Variants in STXBP5L observed in about 807,000 individuals in gnomAD.
STXBP5L encodes syntaxin-binding protein 5-like.
A neutral mutation model predicts 144.5 loss-of-function variants in STXBP5L; 65 were observed. That is an observed-to-expected ratio of 0.45 (90% CI 0.37 to 0.55). The LOEUF is 0.55. STXBP5L is among the 20% of genes least tolerant of loss of function. The probability of loss-of-function intolerance (pLI) is 0.00; values close to 1 mark genes in which losing one functional copy is unlikely to be tolerated. For synonymous variants in STXBP5L, 505 were observed against 469.6 expected, an observed-to-expected ratio of 1.08 and a Z score of -0.97; for missense variants, 1,298 against 1,405.5, an observed-to-expected ratio of 0.92 and a Z score of 1.22.
At chr3:121,087,316 C>A (rs1176298604) in intron 5 of STXBP5L, among the ~76,000 whole-genome samples, 3 of 151,916 alleles carry the variant, frequency 2.0e-5, no homozygotes, top group African/African-American at 7.2e-5. Context: ...TTTCTTTTTC[C>A]TCCTTTCAGT....
chr3:121,036,933 A>G (rs934523956), intron 3 of STXBP5L, among the ~76,000 whole-genome samples: 4 of 151,752 alleles, frequency 2.6e-5, no homozygotes, highest in African/African-American at 7.2e-5. Flanking sequence ...TTTTAAAAAT[A>G]TATATTTTTT....
At chr3:121,191,381 A>T (rs1559846618) in intron 9 of STXBP5L, among the ~76,000 whole-genome samples, 2 of 152,202 alleles carry the variant, frequency 1.3e-5, no homozygotes, top group African/African-American at 4.8e-5. Context: ...CCACCAAAAA[A>T]TATGAAAACC....
chr3:121,003,112 A>T (rs1943931688), intron 3 of STXBP5L, among the ~76,000 whole-genome samples: 2 of 152,146 alleles, frequency 1.3e-5, no homozygotes, highest in Non-Finnish European at 2.9e-5. Flanking sequence ...CTAGTTCTAG[A>T]TCCCCGAGGA....
intron 4 of STXBP5L, 150 bp downstream of exon 4, chr3:121,041,931 ACTC>A (rs1380301800): frequency 1.8e-6 from 1 of 556,038 alleles, no homozygotes; most frequent in Non-Finnish European, 3.2e-6. Context: ...AAAAGACTGT[ACTC>A]CTGTATTGGT....
intron 2 of STXBP5L, among the ~76,000 whole-genome samples, chr3:120,939,225 A>G (rs1352241392): frequency 6.6e-6 from 1 of 152,196 alleles, no homozygotes; most frequent in East Asian, 1.9e-4. Context: ...AACAAATGGT[A>G]GGGATATCAG....
At chr3:121,358,242 C>G (rs189387536) in intron 20 of STXBP5L, among the ~76,000 whole-genome samples, 1 of 150,798 alleles carries the variant, frequency 6.6e-6, no homozygotes, top group African/African-American at 2.4e-5. Flanking sequence ...ATTAACCATC[C>G]GCAACACCTC....
At chr3:121,322,128 G>A (rs9850379) in intron 20 of STXBP5L, among the ~76,000 whole-genome samples, 15,080 of 152,022 alleles carry the variant, frequency 0.099, 1,175 homozygotes, top group Admixed American at 0.2. Flanking sequence ...TTCAGTTCCT[G>A]CATTAATTTG....
intron 3 of STXBP5L, among the ~76,000 whole-genome samples, chr3:121,039,972 A>T (rs1033241053): frequency 2.0e-5 from 3 of 152,046 alleles, no homozygotes; most frequent in Non-Finnish European, 2.9e-5. Flanking sequence ...AGATGGATGG[A>T]TAGATAGATC....
At chr3:121,341,297 T>C (rs2044701656) in intron 20 of STXBP5L, among the ~76,000 whole-genome samples, 1 of 152,168 alleles carries the variant, frequency 6.6e-6, no homozygotes, top group African/African-American at 2.4e-5. Context: ...TCCTTGATCT[T>C]CAGAGAAATG....
chr3:120,984,124 A>G (rs1280023685), intron 3 of STXBP5L, among the ~76,000 whole-genome samples: 3 of 152,084 alleles, frequency 2.0e-5, no homozygotes, highest in South Asian at 2.1e-4. Flanking sequence ...GCTTCCTGTT[A>G]AGACTCTTCT....
chr3:120,927,159 T>A (rs914695362), intron 2 of STXBP5L, among the ~76,000 whole-genome samples: 1 of 152,106 alleles, frequency 6.6e-6, no homozygotes, highest in African/African-American at 2.4e-5. Flanking sequence ...ACGGTCTCAA[T>A]CTTCTGACCT....
intron 3 of STXBP5L, among the ~76,000 whole-genome samples, chr3:120,982,293 A>T (rs1245670065): frequency 6.6e-6 from 1 of 152,242 alleles, no homozygotes; most frequent in East Asian, 1.9e-4. Flanking sequence ...CTGAGCTTCC[A>T]TAGGTGGGGG....
rs1251152038 is a variant in STXBP5L at position 121,002,605 on chromosome 3, A to G, written c.288-39095A>G. Among the ~76,000 whole-genome samples the G allele has an allele frequency of 2.6e-5, 4 of 152,122 alleles. No individual in the cohort carries two copies. The South Asian group carries it at 8.3e-4, about 32-fold the overall frequency. ...TTTTGGTATCATATTCAAAACAATC[A>G]TTACCAAGATCAGTATCAAAGTATT... On this transcript the variant is annotated intron_variant, in intron 3 of 26. Transcript: ENST00000471454.
chr3:121,121,217 G>A (rs2044446143), intron 6 of STXBP5L, among the ~76,000 whole-genome samples: 1 of 151,112 alleles, frequency 6.6e-6, no homozygotes, highest in African/African-American at 2.4e-5. Context: ...ATAATCAGAG[G>A]AGATTTCGTG....
chr3:121,380,918 A>G (rs1345408603), intron 21 of STXBP5L, among the ~76,000 whole-genome samples: 1 of 152,120 alleles, frequency 6.6e-6, no homozygotes, highest in East Asian at 1.9e-4. Flanking sequence ...AACAATTCAG[A>G]GGTAGGAGGG....
chr3:121,080,763 C>T (rs1236335876), intron 5 of STXBP5L, among the ~76,000 whole-genome samples: 5 of 152,198 alleles, frequency 3.3e-5, no homozygotes. Flanking sequence ...TCTCACAGCT[C>T]TTAAGATTCT....
intron 20 of STXBP5L, among the ~76,000 whole-genome samples, chr3:121,374,317 A>G (rs1284498732): frequency 6.6e-6 from 1 of 152,232 alleles, no homozygotes; most frequent in African/African-American, 2.4e-5. Context: ...ATATTTCTCT[A>G]TGGAAGCTAC....
intron 5 of STXBP5L, among the ~76,000 whole-genome samples, chr3:121,090,560 G>C (rs1327577347): frequency 1.3e-5 from 2 of 152,074 alleles, no homozygotes. Flanking sequence ...TGCTCCTGTG[G>C]AACAGAAAGG....
intron 12 of STXBP5L, among the ~76,000 whole-genome samples, chr3:121,233,941 C>A (rs567480847): frequency 6.6e-6 from 1 of 152,090 alleles, no homozygotes; most frequent in Non-Finnish European, 1.5e-5. Flanking sequence ...TAAAATTGAT[C>A]ACATTTTTGT....
Sources: gnomAD v4.1 joint callset for allele counts (sites outside exome capture counted in the v4.1 genomes callset) on GRCh38, gnomAD v4.1.1 for gene constraint, MANE v1.5 for transcripts, NCBI Gene and HGNC (gene_info 2026-07-23, HGNC 2026-07-21) for gene names.